The following PCDHGB2 variants were observed in gnomAD, a reference collection of about 807,000 sequenced individuals.
The protein encoded by PCDHGB2 is protocadherin gamma-B2.
A neutral mutation model predicts 59.3 loss-of-function variants in PCDHGB2; 55 were observed. The observed-to-expected ratio is 0.93, with a 90% CI of 0.75 to 1.16. The LOEUF (loss-of-function observed/expected upper bound fraction) is 1.16, where lower values mean the gene tolerates loss of function less well. Among genes scored for constraint, PCDHGB2 ranks in the 50% most tolerant of loss-of-function variants. The pLI, the probability that PCDHGB2 is intolerant of heterozygous loss-of-function variation, is 0.00. For synonymous variants in PCDHGB2, 516 were observed against 512.0 expected (o/e 1.01, Z -0.11); for missense variants, 1,228 against 1,198.5 (o/e 1.02, Z -0.36).
rs2099750805 is a variant in PCDHGB2, at chr5:141,493,915, T to C, written c.2422-892T>C. ...TGCTCCATGAGAGTGTGTGATGGGA[T>C]AACACACCCCCTGGAAAGACCAGAA... On this transcript the variant is annotated intron_variant, in intron 1 of 3. Transcript: ENST00000522605. This position sits in a 1 kb window ranked among gnomAD's most constrained non-coding sequence, Gnocchi z 4.3. Among the ~76,000 whole-genome samples, 1 of 152,024 alleles carries C rather than the reference T, an allele frequency of 6.6e-6. No homozygotes were observed. Among genetic ancestry groups the C allele is most frequent in the African/African-American group, 2.4e-5 (1 of 41,386 alleles).
intron 1 of PCDHGB2, among the ~76,000 whole-genome samples, chr5:141,460,344 A>G (rs930557610): frequency 7.2e-5 from 11 of 152,060 alleles, no homozygotes; most frequent in African/African-American, 2.2e-4. Context: ...ATTTTCTCCT[A>G]TATTTTCTTT....
rs1303712746 is a variant in PCDHGB2 at position 141,512,800 on chromosome 5, C to G, written c.*1627C>G. The G allele has an allele frequency of 1.3e-5, 2 of 152,238 alleles. No homozygotes were observed. Among genetic ancestry groups the G allele is most frequent in the African/African-American group, 4.8e-5 (2 of 41,434 alleles). The allele number at this position is 152,238 out of a possible 1,614,324, so 9.4% of individuals were successfully genotyped here. A position where few individuals can be genotyped will look rare whatever the true frequency, so the allele number is the denominator to read the frequency against. On this transcript the variant is annotated 3_prime_UTR_variant, in exon 4 of 4. Coordinates refer to ENST00000522605, the MANE Select transcript of PCDHGB2 (RefSeq NM_018923.3). Reference sequence around the variant, plus strand: ...GCCCGTGTTGTGTTTTGTGCTGTGTCCACGCGCTAAGGCGACCCCCTCCCC... The same window carrying G: ...GCCCGTGTTGTGTTTTGTGCTGTGTGCACGCGCTAAGGCGACCCCCTCCCC...
chr5:141,478,101 T>G, intron 1 of PCDHGB2: 1 of 1,614,018 alleles, frequency 6.2e-7, no homozygotes, highest in Middle Eastern at 1.6e-4. Flanking sequence ...ACTGCTACCC[T>G]CACTGTGTCA....
At chr5:141,450,549 C>T (rs1414500813) in intron 1 of PCDHGB2, among the ~76,000 whole-genome samples, 2 of 151,756 alleles carry the variant, frequency 1.3e-5, no homozygotes, top group Non-Finnish European at 2.9e-5. Context: ...TGCAGTGGCG[C>T]AGTCTCGGCT....
chr5:141,422,661 C>T (rs1289162498), intron 1 of PCDHGB2: 7 of 1,608,938 alleles, frequency 4.4e-6, no homozygotes, highest in Admixed American at 1.7e-5. Flanking sequence ...TGACCGCCCT[C>T]GACCCGGACA....
At chr5:141,428,185 G>T (rs775261215) in intron 1 of PCDHGB2, 286 of 1,446,232 alleles carry the variant, frequency 2.0e-4, no homozygotes, top group Non-Finnish European at 2.5e-4. Context: ...GAGGACAGCC[G>T]CCGCTCTCTG....
At chr5:141,399,739 C>T (rs774893843) in intron 1 of PCDHGB2, 2 of 1,613,218 alleles carry the variant, frequency 1.2e-6, no homozygotes, top group Non-Finnish European at 1.7e-6. Flanking sequence ...CTCGCCTGCG[C>T]TCAGCGCAAA....
Position 141,414,833 on chromosome 5 carries a change from G to A in PCDHGB2, c.2421+52277G>A, listed in dbSNP as rs768992312. On this transcript the variant is annotated intron_variant, in intron 1 of 3. Coordinates refer to ENST00000522605, the MANE Select transcript of PCDHGB2 (RefSeq NM_018923.3). ...CCACTCAGCAGCAACGTGTCGTTGAGCCTGTTTGTGCTGGACCAGAACGAC... is the reference window on the plus strand; with the variant it reads ...CCACTCAGCAGCAACGTGTCGTTGAACCTGTTTGTGCTGGACCAGAACGAC... 1.9e-6 allele frequency: 3 copies of A among 1,614,098 alleles called. No homozygotes were observed. In the East Asian group the frequency reaches 6.7e-5, roughly 36 times the overall value.
intron 1 of PCDHGB2, chr5:141,375,679 G>A (rs1399157230): frequency 6.2e-7 from 1 of 1,614,244 alleles, no homozygotes; most frequent in Admixed American, 1.7e-5. Flanking sequence ...AGCTGTGGGT[G>A]ACAGCCAGCG....
At position 141,491,796 on chromosome 5, in the gene PCDHGB2, C is replaced by T. The variant is rs1487915203; in HGVS notation, c.2422-3011C>T. The stretch of plus-strand genomic sequence containing the variant: ...GATTGAACTTGCATCCACTCCTCTC[C>T]GGCCGGCTTGGTCGCTGGCTGCGCT... On this transcript the variant is annotated intron_variant, in intron 1 of 3. Transcript: ENST00000522605. The surrounding 1 kb of genome is among the most constrained non-coding windows in gnomAD (Gnocchi z 6.9). 6.6e-7 allele frequency: 1 copy of T among 1,509,866 alleles called. No homozygotes were observed. The highest frequency in any genetic ancestry group is 2.4e-5 in the Admixed American group (1 of 42,218). The allele number at this position is 1,509,866 out of a possible 1,614,324, so 93.5% of individuals were successfully genotyped here. A position where few individuals can be genotyped will look rare whatever the true frequency, so the allele number is the denominator to read the frequency against.
chr5:141,394,741 T>G (rs767167411), intron 1 of PCDHGB2: 5 of 1,613,414 alleles, frequency 3.1e-6, no homozygotes, highest in Non-Finnish European at 4.2e-6. Context: ...CAGAGCCTCG[T>G]GGTGGCCGTC....
chr5:141,366,540 C>G, intron 1 of PCDHGB2: 1 of 1,614,260 alleles, frequency 6.2e-7, no homozygotes, highest in Non-Finnish European at 8.5e-7. Flanking sequence ...GGTGTGCCCG[C>G]CTCGCACTTT....
chr5:141,511,055 A>ATG lies in PCDHGB2; in HGVS notation c.2680_2681dup (p.Tyr895SerfsTer10). 1 of 1,614,218 alleles carries ATG rather than the reference A, an allele frequency of 6.2e-7. No individual in the cohort carries two copies. The highest frequency in any genetic ancestry group is 8.5e-7 in the Non-Finnish European group (1 of 1,180,026). On this transcript the variant is annotated frameshift_variant, in exon 4 of 4. Coordinates refer to ENST00000522605, the MANE Select transcript of PCDHGB2 (RefSeq NM_018923.3). LOFTEE classifies it high-confidence loss of function. Reference sequence around the variant, plus strand: ...CAGCACGTGCCCGACTACCGCCAGAATGTCTACATCCCAGGCAGCAATGCC... The same window carrying ATG: ...CAGCACGTGCCCGACTACCGCCAGAATGTGTCTACATCCCAGGCAGCAATGCC...
intron 1 of PCDHGB2, chr5:141,402,874 C>T: frequency 2.7e-6 from 4 of 1,460,728 alleles, no homozygotes; most frequent in South Asian, 1.5e-5. Flanking sequence ...GATCACCATA[C>T]TTTGCAGGGT....
chr5:141,403,358 G>C (rs1031210052), intron 1 of PCDHGB2: 3 of 1,614,026 alleles, frequency 1.9e-6, no homozygotes, highest in Non-Finnish European at 2.5e-6. Flanking sequence ...GTTCCAGGCC[G>C]AAAGTCTGGA....
intron 1 of PCDHGB2, among the ~76,000 whole-genome samples, chr5:141,463,024 A>G (rs2099051235): frequency 6.6e-6 from 1 of 152,070 alleles, no homozygotes; most frequent in South Asian, 2.1e-4. Context: ...GACTTTTTTG[A>G]TTAATCTGAG....
intron 1 of PCDHGB2, chr5:141,419,135 G>A (rs2096331504): frequency 3.1e-6 from 5 of 1,613,910 alleles, no homozygotes; most frequent in Non-Finnish European, 4.2e-6. Flanking sequence ...CGCAGCCACA[G>A]ACAGGGGCAA....
chr5:141,438,581 TAC>T (rs2097976954), intron 1 of PCDHGB2, among the ~76,000 whole-genome samples: 6 of 49,834 alleles, frequency 1.2e-4, no homozygotes, highest in African/African-American at 7.2e-4. Flanking sequence ...TATACATACA[TAC>T]ATACATACAT....
At chr5:141,483,743 C>G (rs1360515518) in intron 1 of PCDHGB2, among the ~76,000 whole-genome samples, 2 of 152,022 alleles carry the variant, frequency 1.3e-5, no homozygotes, top group Non-Finnish European at 2.9e-5. Context: ...AAAGGATATT[C>G]CTGAGGATCG....
Sources: gnomAD v4.1 joint callset for allele counts (sites outside exome capture counted in the v4.1 genomes callset) on GRCh38, gnomAD v4.1.1 for gene constraint, Gnocchi (gnomAD v3.1) non-coding constraint, MANE v1.5 for transcripts, NCBI Gene and HGNC (gene_info 2026-07-23, HGNC 2026-07-21) for gene names.